UPF2: variants seen among roughly 807,000 people sequenced by gnomAD.
UPF2 encodes the protein regulator of nonsense transcripts 2.
A neutral mutation model predicts 141.4 loss-of-function variants in UPF2; 17 were observed. The ratio of observed to expected loss-of-function variants is 0.12; its 90% CI spans 0.08 to 0.18. The LOEUF is 0.18. Ranked by LOEUF, UPF2 falls within the 10% of genes least tolerant of loss-of-function variation. The pLI is 1.00. For missense variants in UPF2, 1,152 were observed against 1,515.9 expected (o/e 0.76, Z 3.99); for synonymous variants, 540 against 498.0 (o/e 1.08, Z -1.12).
intron 16 of UPF2, among the ~76,000 whole-genome samples, chr10:11,944,597 G>C (rs182140264): frequency 1.5e-4 from 23 of 152,018 alleles, no homozygotes; most frequent in Non-Finnish European, 2.9e-4. Flanking sequence ...TGCAATAGAG[G>C]TACTCTTAAA....
chr10:12,038,378 T>TCACACACA lies in UPF2; in HGVS notation c.-18-2945_-18-2938dup, dbSNP rs200544672. On this transcript the variant is annotated intron_variant, in intron 1 of 21. Coordinates refer to ENST00000357604, the MANE Select transcript of UPF2 (RefSeq NM_015542.4). ...ATGGGCGACAGAGTGAGACTCCATC[T>TCACACACA]CACACACACACACACACACACACAC... 6.8e-4 allele frequency among the ~76,000 whole-genome samples: 92 copies of TCACACACA among 135,930 alleles called. 1 individual carries two copies. The highest frequency in any genetic ancestry group is 1.9e-3 in the African/African-American group (69 of 35,404). 89.2% of individuals were successfully genotyped at this position (135,930 alleles called of 152,430 possible). A position where few individuals can be genotyped will look rare whatever the true frequency, so the allele number is the denominator to read the frequency against.
intron 21 of UPF2, among the ~76,000 whole-genome samples, chr10:11,926,919 T>G (rs950045621): frequency 6.6e-5 from 10 of 152,226 alleles, no homozygotes; most frequent in African/African-American, 2.4e-4. Context: ...AAGAAAGGCT[T>G]ACCTCTGTTC....
At chr10:11,950,520 C>T (rs118049138) in intron 15 of UPF2, among the ~76,000 whole-genome samples, 2,765 of 152,290 alleles carry the variant, frequency 0.018, 41 homozygotes, top group Non-Finnish European at 0.03. Flanking sequence ...AGGACAAAGT[C>T]CTCACAAGAA....
chr10:12,025,096 A>G (rs752201410), intron 3 of UPF2, among the ~76,000 whole-genome samples: 2 of 152,192 alleles, frequency 1.3e-5, no homozygotes, highest in Non-Finnish European at 2.9e-5. Context: ...TCTTTTGCTC[A>G]GTCACGTATC....
chr10:12,013,981 G>A (rs1834175582), intron 4 of UPF2, 43 bp downstream of exon 4: 2 of 1,441,760 alleles, frequency 1.4e-6, no homozygotes, highest in African/African-American at 2.9e-5. Flanking sequence ...AAGTGACAGT[G>A]CTTACAGAAA....
Position 11,956,215 on chromosome 10 carries a change from C to T in UPF2, c.2574+105G>A. 1 of 971,566 alleles carries T rather than the reference C, an allele frequency of 1.0e-6. No homozygotes were observed. The highest frequency in any genetic ancestry group is 1.5e-5 in the South Asian group (1 of 67,458). 60.2% of individuals were successfully genotyped at this position (971,566 alleles called of 1,614,324 possible). A position where few individuals can be genotyped will look rare whatever the true frequency, so the allele number is the denominator to read the frequency against. ...TAAAATGATTATCAGCTTTTTCTAA[C>T]TAATAAATTTACAGATTCCTATAAC... On this transcript the variant is annotated intron_variant, in intron 13 of 21. Transcript: ENST00000357604. This position sits in a 1 kb window ranked among gnomAD's most constrained non-coding sequence, Gnocchi z 4.2.
At position 12,039,060 on chromosome 10, in the gene UPF2, A is replaced by T. The variant is rs980055959; in HGVS notation, c.-18-3619T>A. ...TGTGAAAACATCACGCCCTTAAAGC[A>T]AGCAAACTTTCAAAAAGACTATAAT... On this transcript the variant is annotated intron_variant, in intron 1 of 21. Coordinates refer to ENST00000357604, the MANE Select transcript of UPF2 (RefSeq NM_015542.4). Among the ~76,000 whole-genome samples the T allele has an allele frequency of 3.3e-5, 5 of 152,200 alleles. 1 individual carries two copies. The highest frequency in any genetic ancestry group is 3.3e-4 in the Admixed American group (5 of 15,268).
At chr10:12,023,100 T>C (rs1304822391) in intron 3 of UPF2, among the ~76,000 whole-genome samples, 2 of 152,136 alleles carry the variant, frequency 1.3e-5, no homozygotes, top group African/African-American at 4.8e-5. Context: ...TTCACTATAC[T>C]GAAAGAAACA....
At chr10:11,981,233 T>C (rs934504349) in intron 8 of UPF2, among the ~76,000 whole-genome samples, 1 of 152,168 alleles carries the variant, frequency 6.6e-6, no homozygotes, top group Non-Finnish European at 1.5e-5. Flanking sequence ...GCTAAATTCA[T>C]ACCTAAAAGC....
At chr10:12,032,771 T>C in intron 2 of UPF2, among the ~76,000 whole-genome samples, 1 of 150,646 alleles carries the variant, frequency 6.6e-6, no homozygotes, top group Admixed American at 6.6e-5. Context: ...TTAAGAATCA[T>C]GGTTCTGAAT....
chr10:12,029,956 TCAAAAAAAAAAAAA>T (rs1834487334), intron 2 of UPF2, among the ~76,000 whole-genome samples: 1 of 130,160 alleles, frequency 7.7e-6, no homozygotes. Flanking sequence ...AGACTCCGTC[TCAAAAAAAAAAAAA>T]CAAAAAAAAA....
chr10:12,027,464 G>C (rs553542668), intron 3 of UPF2, among the ~76,000 whole-genome samples: 5 of 152,240 alleles, frequency 3.3e-5, no homozygotes, highest in Non-Finnish European at 7.4e-5. Flanking sequence ...AATTGACAAA[G>C]CATATGGAAA....
chr10:11,943,979 T>C (rs1832968761), intron 16 of UPF2, among the ~76,000 whole-genome samples: 1 of 147,644 alleles, frequency 6.8e-6, no homozygotes, highest in Non-Finnish European at 1.5e-5. Context: ...CCCCGCATGG[T>C]TCCTTAAGAG....
At position 11,923,051 on chromosome 10, in the gene UPF2, A is replaced by G. The variant is rs1832665818; in HGVS notation, c.3810-1744T>C. ...CCTGTCTCAAAAACAAAATAAAACA[A>G]CAACAAAATCATTTTTAAAAAGATG... On this transcript the variant is annotated intron_variant, in intron 21 of 21. Coordinates refer to ENST00000357604, the MANE Select transcript of UPF2 (RefSeq NM_015542.4). 2.6e-5 allele frequency: 4 copies of G among 152,214 alleles called. No homozygotes were observed. The South Asian group carries it at 8.3e-4, about 32-fold the overall frequency. The allele number at this position is 152,214 out of a possible 1,614,324, so 9.4% of individuals were successfully genotyped here. A position where few individuals can be genotyped will look rare whatever the true frequency, so the allele number is the denominator to read the frequency against.
intron 8 of UPF2, among the ~76,000 whole-genome samples, chr10:11,983,667 C>T (rs779534298): frequency 2.6e-5 from 4 of 152,036 alleles, no homozygotes; most frequent in African/African-American, 4.8e-5. Flanking sequence ...CCACCGTGCC[C>T]GGCCTTGGAT....
chr10:11,948,287 T>C (rs536306326), intron 16 of UPF2, 82 bp downstream of exon 16: 68 of 1,365,248 alleles, frequency 5.0e-5, no homozygotes, highest in Middle Eastern at 3.9e-4. Context: ...GGAGGTCTTA[T>C]GTATTAAAAA....
intron 8 of UPF2, among the ~76,000 whole-genome samples, chr10:11,995,409 T>C (rs1436101701): frequency 2.0e-5 from 3 of 152,162 alleles, no homozygotes; most frequent in African/African-American, 4.8e-5. Flanking sequence ...ATGACAGGCA[T>C]TGTGCTATGT....
At chr10:11,986,869 A>G (rs987284068) in intron 8 of UPF2, among the ~76,000 whole-genome samples, 1 of 152,242 alleles carries the variant, frequency 6.6e-6, no homozygotes, top group Admixed American at 6.5e-5. Context: ...AGGTCCAATC[A>G]GAAAATCTCT....
In UPF2 at chr10:12,035,035, A is replaced by G. The variant is rs1177266546; in HGVS notation, c.365+24T>C. 3 of 1,534,624 alleles carry G rather than the reference A, an allele frequency of 2.0e-6. No homozygotes were observed. The African/African-American group carries it at 4.2e-5, about 21-fold the overall frequency. On this transcript the variant is annotated intron_variant, in intron 2 of 21. Coordinates refer to ENST00000357604, the MANE Select transcript of UPF2 (RefSeq NM_015542.4). Reference sequence around the variant, plus strand: ...TCCAATCTTCCCATTCCCTCACATCAATAAATACAATCAACTGCCTTACTT... The same window carrying G: ...TCCAATCTTCCCATTCCCTCACATCGATAAATACAATCAACTGCCTTACTT...
Sources: gnomAD v4.1 joint callset for allele counts (sites outside exome capture counted in the v4.1 genomes callset) on GRCh38, gnomAD v4.1.1 for gene constraint, Gnocchi (gnomAD v3.1) non-coding constraint, MANE v1.5 for transcripts, NCBI Gene and HGNC (gene_info 2026-07-23, HGNC 2026-07-21) for gene names.